Variants in XKR4 observed in about 807,000 individuals in gnomAD.
XKR4 encodes the protein XK related 4.
Under a neutral mutation model 53.9 loss-of-function variants are expected in XKR4, and 12 were observed. That is an observed-to-expected ratio of 0.22 (90% CI 0.14 to 0.36). The LOEUF is 0.36. XKR4 is among the 10% of genes least tolerant of loss of function. XKR4 has a pLI of 1.00. For synonymous variants in XKR4, 354 were observed against 362.4 expected (o/e 0.98, Z 0.26); for missense variants, 799 against 859.5 (o/e 0.93, Z 0.88).
At chr8:55,392,784 C>T (rs760846264) in intron 2 of XKR4, among the ~76,000 whole-genome samples, 17 of 152,106 alleles carry the variant, frequency 1.1e-4, no homozygotes, top group Non-Finnish European at 2.5e-4. Context: ...GAGCCAGACC[C>T]TTTCTCAAAT....
intron 2 of XKR4, among the ~76,000 whole-genome samples, chr8:55,359,995 G>A (rs1803876067): frequency 6.6e-6 from 1 of 152,130 alleles, no homozygotes; most frequent in Non-Finnish European, 1.5e-5. Context: ...CTCGTCCTTA[G>A]CCAAGGCAAG....
In XKR4 at chr8:55,339,296, C is replaced by T. The variant is rs189592361; in HGVS notation, c.807-18382C>T. ...GTGGAAACTTTACACGTGATCTAAC[C>T]CCCCTACAGTGAAGACTCCTCATGG... On this transcript the variant is annotated intron_variant, in intron 1 of 2. Transcript: ENST00000327381. Among the ~76,000 whole-genome samples the T allele has an allele frequency of 5.9e-5, 9 of 152,272 alleles. No individual in the cohort carries two copies. The East Asian group carries it at 1.7e-3, about 29-fold the overall frequency.
intron 2 of XKR4, among the ~76,000 whole-genome samples, chr8:55,456,402 G>A (rs948037410): frequency 2.0e-5 from 3 of 151,816 alleles, no homozygotes; most frequent in Non-Finnish European, 4.4e-5. Context: ...TTGTACTCCA[G>A]CCTGGGCAAC....
intron 2 of XKR4, among the ~76,000 whole-genome samples, chr8:55,467,725 G>C (rs1433751517): frequency 6.6e-6 from 1 of 152,172 alleles, no homozygotes; most frequent in South Asian, 2.1e-4. Context: ...GTGACAGTGA[G>C]AGAACAAGTA....
chr8:55,523,175 G>A (rs1806824995), intron 2 of XKR4, 106 bp from the exon 3 acceptor site: 2 of 887,664 alleles, frequency 2.3e-6, no homozygotes, highest in African/African-American at 3.4e-5. Context: ...AAGAGTCTTT[G>A]CTGAGGTCAA....
chr8:55,346,865 G>C (rs1803655324), intron 1 of XKR4, among the ~76,000 whole-genome samples: 1 of 152,070 alleles, frequency 6.6e-6, no homozygotes, highest in South Asian at 2.1e-4. Context: ...ACTGATAACA[G>C]CCAAACTGTT....
intron 1 of XKR4, among the ~76,000 whole-genome samples, chr8:55,290,733 A>G (rs1024281283): frequency 1.3e-5 from 2 of 152,032 alleles, no homozygotes; most frequent in East Asian, 1.9e-4. Flanking sequence ...GGTAATGTCT[A>G]TTTTATTTTT....
intron 2 of XKR4, among the ~76,000 whole-genome samples, chr8:55,373,736 T>C (rs2929009): frequency 0.13 from 20,162 of 152,220 alleles, 1,536 homozygotes; most frequent in African/African-American, 0.2. Context: ...AATAAGTAAT[T>C]GCAAAACACT....
chr8:55,483,509 G>A lies in XKR4; in HGVS notation c.1007-39772G>A, dbSNP rs911613455. Among the ~76,000 whole-genome samples, 35 of 151,828 alleles carry A rather than the reference G, an allele frequency of 2.3e-4. No individual in the cohort carries two copies. The East Asian group carries it at 6.7e-3, about 29-fold the overall frequency. On this transcript the variant is annotated intron_variant, in intron 2 of 2. Coordinates refer to ENST00000327381, the MANE Select transcript of XKR4 (RefSeq NM_052898.2). The stretch of plus-strand genomic sequence containing the variant: ...AAACTGAATTGAGCCAAGATATGAA[G>A]GATTTAACAGCCAATTTGATCCCCT...
intron 1 of XKR4, among the ~76,000 whole-genome samples, chr8:55,291,924 T>G (rs1018259413): frequency 2.6e-5 from 4 of 152,150 alleles, no homozygotes; most frequent in Admixed American, 2.6e-4. Flanking sequence ...AAATGCTTTT[T>G]ATGAATAATT....
chr8:55,164,047 A>C (rs1299430092), intron 1 of XKR4: 4 of 358,128 alleles, frequency 1.1e-5, no homozygotes, highest in East Asian at 7.4e-5. Flanking sequence ...ACATGCACAC[A>C]ACTGTTTCAG....
chr8:55,496,021 T>A (rs75911849), intron 2 of XKR4, among the ~76,000 whole-genome samples: 2,175 of 152,318 alleles, frequency 0.014, 45 homozygotes, highest in African/African-American at 0.05. Context: ...GTCAGCAATG[T>A]TTGCTTAGAA....
chr8:55,285,722 A>T (rs16921544), intron 1 of XKR4, among the ~76,000 whole-genome samples: 36,233 of 151,906 alleles, frequency 0.24, 4,651 homozygotes, highest in East Asian at 0.48. Context: ...AAGTTGTCTG[A>T]GTTTATCTGG....
rs1816462037 is a variant in XKR4, at chr8:55,125,958, C to G, written c.806+22664C>G. Among the ~76,000 whole-genome samples, 9 of 152,170 alleles carry G rather than the reference C, an allele frequency of 5.9e-5. No homozygotes were observed. In the South Asian group the frequency reaches 1.9e-3, roughly 32 times the overall value. On this transcript the variant is annotated intron_variant, in intron 1 of 2. Transcript: ENST00000327381. ...CAGGTTGTATGTCCTTGAATTGGGC[C>G]CTGTTTGTAGTCCTCACCTGGAGAG...
chr8:55,191,345 T>C (rs1817442165), intron 1 of XKR4, among the ~76,000 whole-genome samples: 1 of 152,206 alleles, frequency 6.6e-6, no homozygotes, highest in African/African-American at 2.4e-5. Context: ...GGTAATAATA[T>C]GTGTTCAATT....
intron 2 of XKR4, chr8:55,452,681 C>A (rs1805472743): frequency 1.4e-6 from 2 of 1,432,184 alleles, no homozygotes; most frequent in Non-Finnish European, 9.8e-7. Context: ...CTGTGCAGAC[C>A]TTGTCCACAA....
intron 1 of XKR4, among the ~76,000 whole-genome samples, chr8:55,200,873 A>G (rs751682136): frequency 6.6e-6 from 1 of 152,244 alleles, no homozygotes; most frequent in South Asian, 2.1e-4. Context: ...TAAGAACTTT[A>G]TGTTTGTAGA....
intron 2 of XKR4, among the ~76,000 whole-genome samples, chr8:55,495,279 C>T (rs1506673): frequency 4.6e-5 from 7 of 151,954 alleles, no homozygotes; most frequent in South Asian, 2.1e-4. Flanking sequence ...CTGCAGGTAG[C>T]GAGGGCCTTC....
At chr8:55,463,833 G>A (rs1805705921) in intron 2 of XKR4, among the ~76,000 whole-genome samples, 3 of 152,086 alleles carry the variant, frequency 2.0e-5, no homozygotes, top group Non-Finnish European at 2.9e-5. Context: ...TACCATCAGA[G>A]AATACTATAA....
Sources: allele counts gnomAD v4.1 joint callset (sites outside exome capture counted in the v4.1 genomes callset), GRCh38; gene constraint gnomAD v4.1.1; transcripts MANE v1.5; gene names NCBI Gene and HGNC (gene_info 2026-07-23, HGNC 2026-07-21).